CACNA1A: variants seen among roughly 807,000 people sequenced by gnomAD.
CACNA1A encodes the protein voltage-dependent P/Q-type calcium channel subunit alpha-1A.
CACNA1A carries 57 observed loss-of-function variants against 262.4 expected under a neutral mutation model. That is an observed-to-expected ratio of 0.22 (90% CI 0.18 to 0.27). The LOEUF (loss-of-function observed/expected upper bound fraction) is 0.27. Among genes scored for constraint, CACNA1A ranks in the 10% least tolerant of loss-of-function variants. CACNA1A has a pLI of 1.00. For missense variants in CACNA1A, 2,526 were observed against 3,562.8 expected (o/e 0.71, Z 7.41); for synonymous variants, 1,431 against 1,419.3 (o/e 1.01, Z -0.18).
At chr19:13,417,057 T>C (rs968523858) in intron 3 of CACNA1A, among the ~76,000 whole-genome samples, 9 of 152,318 alleles carry the variant, frequency 5.9e-5, no homozygotes, top group African/African-American at 2.2e-4. Flanking sequence ...GAATGGCTTT[T>C]GATGACCACC....
chr19:13,332,314 T>C (rs2058481181), intron 9 of CACNA1A, among the ~76,000 whole-genome samples: 2 of 151,942 alleles, frequency 1.3e-5, no homozygotes, highest in Non-Finnish European at 2.9e-5. Flanking sequence ...GGCAGAGAAT[T>C]GCTTGAACCT....
At chr19:13,380,745 GTTTGTTTATTTA>G (rs1206654010) in intron 3 of CACNA1A, among the ~76,000 whole-genome samples, 5,253 of 142,820 alleles carry the variant, frequency 0.037, 199 homozygotes, top group African/African-American at 0.1. Context: ...TTGTTTGTTT[GTTTGTTTATTTA>G]TTTATTTATT....
At chr19:13,400,149 G>T (rs2059874520) in intron 3 of CACNA1A, among the ~76,000 whole-genome samples, 1 of 152,158 alleles carries the variant, frequency 6.6e-6, no homozygotes, top group African/African-American at 2.4e-5. Context: ...GATCAGACAG[G>T]TTGGGGAGAT....
intron 1 of CACNA1A, among the ~76,000 whole-genome samples, chr19:13,500,040 A>T (rs537181611): frequency 6.6e-6 from 1 of 152,238 alleles, no homozygotes; most frequent in East Asian, 1.9e-4. Flanking sequence ...CTTCATTCTC[A>T]AGGGGCCGCT....
At chr19:13,483,437 G>C (rs1979609076) in intron 1 of CACNA1A, among the ~76,000 whole-genome samples, 1 of 152,098 alleles carries the variant, frequency 6.6e-6, no homozygotes. Context: ...ACTCCATAAA[G>C]TCATGTGACC....
intron 24 of CACNA1A, among the ~76,000 whole-genome samples, chr19:13,269,836 G>A (rs1441999934): frequency 6.6e-6 from 1 of 152,208 alleles, no homozygotes; most frequent in Non-Finnish European, 1.5e-5. Flanking sequence ...CTTCAGAAGA[G>A]CTTCAATACA....
intron 1 of CACNA1A, among the ~76,000 whole-genome samples, chr19:13,457,738 A>G (rs754219659): frequency 2.0e-5 from 3 of 152,032 alleles, no homozygotes; most frequent in Non-Finnish European, 4.4e-5. Context: ...CTGTAATCCC[A>G]GCTACTCAGG....
intron 11 of CACNA1A, chr19:13,316,853 C>CT (rs1412647543): frequency 1.1e-5 from 4 of 370,116 alleles, no homozygotes; most frequent in Non-Finnish European, 1.9e-5. Context: ...CCCCTCTGTC[C>CT]CTCTCTCTTA....
chr19:13,374,346 C>A (rs1396631144), intron 3 of CACNA1A, among the ~76,000 whole-genome samples: 1 of 152,168 alleles, frequency 6.6e-6, no homozygotes, highest in African/African-American at 2.4e-5. Context: ...CTCCTGGGCT[C>A]AAGCGATCCT....
At chr19:13,376,506 T>C (rs2059405667) in intron 3 of CACNA1A, among the ~76,000 whole-genome samples, 1 of 151,466 alleles carries the variant, frequency 6.6e-6, no homozygotes. Context: ...ATAACTGATA[T>C]TTTAAGCCCA....
chr19:13,489,695 T>C (rs1361829390), intron 1 of CACNA1A, among the ~76,000 whole-genome samples: 1 of 152,192 alleles, frequency 6.6e-6, no homozygotes, highest in Non-Finnish European at 1.5e-5. Context: ...ACTGGCCACC[T>C]GTTCAGGGGC....
At position 13,365,003 on chromosome 19, in the gene CACNA1A, G is replaced by A. The variant is rs998338258; in HGVS notation, c.784+314C>T. On this transcript the variant is annotated intron_variant, in intron 5 of 46. Coordinates refer to ENST00000360228, the MANE Select transcript of CACNA1A (RefSeq NM_001127222.2). Reference sequence around the variant, plus strand: ...GGGGGATCCAGTCCCAGTTTTAAGTGGTAACCCGCTTGATAGCACACTCTT... The same window carrying A: ...GGGGGATCCAGTCCCAGTTTTAAGTAGTAACCCGCTTGATAGCACACTCTT... 3 of 179,872 alleles carry A rather than the reference G, an allele frequency of 1.7e-5. No homozygotes were observed. In the Admixed American group the frequency reaches 1.8e-4, roughly 11 times the overall value. The allele number at this position is 179,872 out of a possible 1,614,324, so 11.1% of individuals were successfully genotyped here.
At chr19:13,503,936 A>G (rs1982702177) in intron 1 of CACNA1A, among the ~76,000 whole-genome samples, 1 of 152,022 alleles carries the variant, frequency 6.6e-6, no homozygotes, top group South Asian at 2.1e-4. Context: ...GGCCACTGCA[A>G]TCCCCCTCTC....
chr19:13,371,872 T>TTGGTTGGG, intron 3 of CACNA1A, 93 bp from the exon 4 acceptor site: 1 of 912,230 alleles, frequency 1.1e-6, no homozygotes, highest in South Asian at 1.4e-5. Flanking sequence ...CTGTCCTGTA[T>TTGGTTGGG]TGGTTGGGTG....
At chr19:13,232,123 GGAT>G (rs1183174592) in intron 34 of CACNA1A, among the ~76,000 whole-genome samples, 1 of 151,872 alleles carries the variant, frequency 6.6e-6, no homozygotes, top group African/African-American at 2.4e-5. Flanking sequence ...GTCTAGGGTG[GGAT>G]TTGAGGACAC....
At position 13,212,065 on chromosome 19, in the gene CACNA1A, G is replaced by A. The variant is rs369748104; in HGVS notation, c.6303+38C>T. 224 of 1,453,604 alleles carry A rather than the reference G, an allele frequency of 1.5e-4. 2 individuals are homozygous for A. In the African/African-American group the frequency reaches 2.7e-3, roughly 17 times the overall value. 90.0% of individuals were successfully genotyped at this position (1,453,604 alleles called of 1,614,324 possible). A position where few individuals can be genotyped will look rare whatever the true frequency, so the allele number is the denominator to read the frequency against. Reference sequence around the variant, plus strand: ...GGCCTGGCCCTACCCAGTGCAGAGTGAGGGGTCCAGCCCCAGGGCAGTGGT... The same window carrying A: ...GGCCTGGCCCTACCCAGTGCAGAGTAAGGGGTCCAGCCCCAGGGCAGTGGT... On this transcript the variant is annotated intron_variant, in intron 43 of 46. Coordinates refer to ENST00000360228, the MANE Select transcript of CACNA1A (RefSeq NM_001127222.2). This position sits in a 1 kb window ranked among gnomAD's most constrained non-coding sequence, Gnocchi z 5.6.
chr19:13,463,885 C>T (rs539698163), intron 1 of CACNA1A, among the ~76,000 whole-genome samples: 31 of 152,234 alleles, frequency 2.0e-4, no homozygotes, highest in African/African-American at 6.3e-4. Context: ...GGGGATCAGA[C>T]GTGGCCTTGA....
intron 37 of CACNA1A, 91 bp downstream of exon 37, chr19:13,227,340 G>A (rs2055493431): frequency 1.8e-6 from 1 of 552,840 alleles, no homozygotes. Context: ...AGAGTCGGCC[G>A]GGTGTTTCTG....
chr19:13,326,315 AAAAAAAAAG>A (rs1300661803), intron 10 of CACNA1A, among the ~76,000 whole-genome samples: 19 of 146,382 alleles, frequency 1.3e-4, no homozygotes, highest in Non-Finnish European at 2.1e-4. Context: ...ACTCCATCTC[AAAAAAAAAG>A]AAAAAAAAGA....
Sources: gnomAD v4.1 joint callset for allele counts (sites outside exome capture counted in the v4.1 genomes callset) on GRCh38, gnomAD v4.1.1 for gene constraint, Gnocchi (gnomAD v3.1) non-coding constraint, MANE v1.5 for transcripts, NCBI Gene and HGNC (gene_info 2026-07-23, HGNC 2026-07-21) for gene names.